CDH6: variants seen among roughly 807,000 people sequenced by gnomAD.
CDH6 encodes cadherin-6.
CDH6 carries 31 observed loss-of-function variants against 78.0 expected under a neutral mutation model. That is an observed-to-expected ratio of 0.40 (90% CI 0.30 to 0.54). The LOEUF (loss-of-function observed/expected upper bound fraction) is 0.54, where lower values mean the gene tolerates loss of function less well. Ranked by LOEUF, CDH6 falls within the 20% of genes least tolerant of loss-of-function variation. The pLI is 0.56. For synonymous variants in CDH6, 376 were observed against 368.8 expected, an observed-to-expected ratio of 1.02 and a Z score of -0.23; for missense variants, 724 against 975.9, an observed-to-expected ratio of 0.74 and a Z score of 3.44.
At position 31,325,221 on chromosome 5, in the gene CDH6, C is replaced by T. The variant is rs979133479; in HGVS notation, c.*1913C>T. 3 of 225,820 alleles carry T rather than the reference C, an allele frequency of 1.3e-5. No homozygotes were observed. The highest frequency in any genetic ancestry group is 6.4e-5 in the East Asian group (1 of 15,720). The allele number at this position is 225,820 out of a possible 1,614,324, so 14.0% of individuals were successfully genotyped here. ...TTCCTTGTGTCTTCTGAATGGTTTC[C>T]GATTTTATAATGGACTGCCCTATAT... is the stretch of plus-strand genomic sequence containing the variant. On this transcript the variant is annotated 3_prime_UTR_variant, in exon 12 of 12. Transcript: ENST00000265071.
At position 31,304,767 on chromosome 5, in the gene CDH6, T is replaced by G. The variant is rs543492518; in HGVS notation, c.1000-407T>G. Among the ~76,000 whole-genome samples the G allele has an allele frequency of 2.0e-5, 3 of 151,416 alleles. No individual in the cohort carries two copies. The East Asian group carries it at 5.9e-4, about 30-fold the overall frequency. On this transcript the variant is annotated intron_variant, in intron 6 of 11. Coordinates refer to ENST00000265071, the MANE Select transcript of CDH6 (RefSeq NM_004932.4). Reference sequence around the variant, plus strand: ...TGTGTATTTGCCAACTTGCCCCTGATGGCCCCCTCTAGTGAAACATGAGTA... The same window carrying G: ...TGTGTATTTGCCAACTTGCCCCTGAGGGCCCCCTCTAGTGAAACATGAGTA...
Position 31,317,696 on chromosome 5 carries a change from C to A in CDH6, c.1654C>A (p.Arg552=). The change falls in exon 11 of 12, where the codon CGG becomes AGG. Residue 552 remains arginine, a synonymous_variant. Coordinates refer to ENST00000265071, the MANE Select transcript of CDH6 (RefSeq NM_004932.4). ...AGACAACACGGCGGGAATCTTAACTCGGAAAAATGGCTATAATAGACACGA... is the reference window on the plus strand; with the variant it reads ...AGACAACACGGCGGGAATCTTAACTAGGAAAAATGGCTATAATAGACACGA... ...NKDNTAGILT[R]KNGYNRHEMS... 2.5e-6 allele frequency: 4 copies of A among 1,610,464 alleles called. No individual in the cohort carries two copies. Among genetic ancestry groups the A allele is most frequent in the Non-Finnish European group, 3.4e-6 (4 of 1,176,940 alleles).
intron 2 of CDH6, among the ~76,000 whole-genome samples, chr5:31,292,847 G>A (rs62350372): frequency 9.9e-3 from 21 of 2,130 alleles, no homozygotes; most frequent in African/African-American, 0.034. Context: ...ATATATATAT[G>A]TGTGCATATA....
At chr5:31,318,550 T>C (rs1044389612) in intron 11 of CDH6, 7 of 229,120 alleles carry the variant, frequency 3.1e-5, no homozygotes, top group Non-Finnish European at 6.1e-5. Context: ...CCAAAAGAAA[T>C]GAATGTAATA....
intron 1 of CDH6, among the ~76,000 whole-genome samples, chr5:31,212,065 T>C (rs1473395463): frequency 1.3e-5 from 2 of 151,894 alleles, no homozygotes; most frequent in African/African-American, 4.8e-5. Flanking sequence ...GTTGACTGTC[T>C]AAGTATAAGA....
rs113044057 is a variant in CDH6 at position 31,294,325 on chromosome 5, C to T, written c.523+69C>T. ...TGCATCCACTGAGTAAGGAATCCCA[C>T]GAGCTCAAAGTACTGAACTGCATGA... On this transcript the variant is annotated intron_variant, in intron 3 of 11. Transcript: ENST00000265071. This position sits in a 1 kb window ranked among gnomAD's most constrained non-coding sequence, Gnocchi z 4.1. The T allele has an allele frequency of 3.6e-5, 47 of 1,321,698 alleles. 2 individuals are homozygous for T. The highest frequency in any genetic ancestry group is 1.2e-4 in the Admixed American group (6 of 50,978). The allele number at this position is 1,321,698 out of a possible 1,614,324, so 81.9% of individuals were successfully genotyped here. A position where few individuals can be genotyped will look rare whatever the true frequency, so the allele number is the denominator to read the frequency against.
rs1738568239 is a variant in CDH6 at position 31,324,463 on chromosome 5, C to A, written c.*1155C>A. 4.7e-6 allele frequency: 1 copy of A among 214,026 alleles called. No individual in the cohort carries two copies. The highest frequency in any genetic ancestry group is 9.4e-6 in the Non-Finnish European group (1 of 106,158). The allele number at this position is 214,026 out of a possible 1,614,324, so 13.3% of individuals were successfully genotyped here. ...TAACGTGATACATTTGGATAAACAA[C>A]ATTGAGATTATGATGAAAACCTACA... is the stretch of plus-strand genomic sequence containing the variant. On this transcript the variant is annotated 3_prime_UTR_variant, in exon 12 of 12. Coordinates refer to ENST00000265071, the MANE Select transcript of CDH6 (RefSeq NM_004932.4).
At chr5:31,313,581 C>T in intron 8 of CDH6, 127 bp downstream of exon 8, 2 of 881,116 alleles carry the variant, frequency 2.3e-6, no homozygotes, top group Non-Finnish European at 3.4e-6. Context: ...GGAAAAAGCC[C>T]TGGAGTGGTT....
chr5:31,302,932 A>AAAGAAAG (rs1184510188), intron 6 of CDH6, among the ~76,000 whole-genome samples: 1 of 129,212 alleles, frequency 7.7e-6, no homozygotes, highest in Non-Finnish European at 1.8e-5. Context: ...AGAAAGAAAG[A>AAAGAAAG]AAGAAAGAAA....
At chr5:31,198,646 G>A (rs1740236923) in intron 1 of CDH6, among the ~76,000 whole-genome samples, 1 of 152,082 alleles carries the variant, frequency 6.6e-6, no homozygotes, top group African/African-American at 2.4e-5. Flanking sequence ...ATTAACTTGG[G>A]GAAGTGTCCA....
intron 1 of CDH6, among the ~76,000 whole-genome samples, chr5:31,199,073 G>A (rs1296764529): frequency 6.6e-6 from 1 of 151,842 alleles, no homozygotes; most frequent in Non-Finnish European, 1.5e-5. Flanking sequence ...TTCCTCTGAT[G>A]CCTGCAATCC....
chr5:31,233,087 A>G (rs983639629), intron 1 of CDH6, among the ~76,000 whole-genome samples: 6 of 152,104 alleles, frequency 3.9e-5, no homozygotes, highest in African/African-American at 1.4e-4. Context: ...ATACACACAC[A>G]CGCGTACATA....
intron 1 of CDH6, among the ~76,000 whole-genome samples, chr5:31,233,367 T>A (rs1024893456): frequency 6.6e-6 from 1 of 150,538 alleles, no homozygotes; most frequent in African/African-American, 2.4e-5. Context: ...ATACAAAAAT[T>A]AACCGGGCAT....
At chr5:31,268,468 G>A (rs1356515730) in intron 2 of CDH6, among the ~76,000 whole-genome samples, 10 of 152,156 alleles carry the variant, frequency 6.6e-5, no homozygotes, top group Non-Finnish European at 8.8e-5. Context: ...GCCTGTCATC[G>A]TGAGTTTCGT....
chr5:31,222,383 G>T (rs535671613), intron 1 of CDH6, among the ~76,000 whole-genome samples: 1 of 152,062 alleles, frequency 6.6e-6, no homozygotes, highest in South Asian at 2.1e-4. Context: ...ATATAAGTAT[G>T]TTAAGTTCCT....
chr5:31,225,167 A>G (rs559051411), intron 1 of CDH6, among the ~76,000 whole-genome samples: 66 of 152,326 alleles, frequency 4.3e-4, no homozygotes, highest in East Asian at 7.7e-4. Context: ...GAGTTGTCCA[A>G]TGAATGATTT....
intron 1 of CDH6, among the ~76,000 whole-genome samples, chr5:31,240,662 T>C (rs893745743): frequency 6.6e-6 from 1 of 152,170 alleles, no homozygotes; most frequent in African/African-American, 2.4e-5. Context: ...TATTTATTCA[T>C]TTATGAATTC....
chr5:31,223,004 C>T (rs549694991), intron 1 of CDH6, among the ~76,000 whole-genome samples: 1 of 152,086 alleles, frequency 6.6e-6, no homozygotes, highest in Admixed American at 6.6e-5. Context: ...TCCTCTTTCT[C>T]TCTCACTTTT....
chr5:31,220,382 G>T (rs952648780), intron 1 of CDH6, among the ~76,000 whole-genome samples: 1 of 152,134 alleles, frequency 6.6e-6, no homozygotes, highest in Non-Finnish European at 1.5e-5. Context: ...ACATTATACT[G>T]CACTCCTTAT....
Sources: gnomAD v4.1 joint callset for allele counts (sites outside exome capture counted in the v4.1 genomes callset) on GRCh38, gnomAD v4.1.1 for gene constraint, Gnocchi (gnomAD v3.1) non-coding constraint, MANE v1.5 for transcripts, NCBI Gene and HGNC (gene_info 2026-07-23, HGNC 2026-07-21) for gene names.